The following SNX29 variants were observed in gnomAD, a reference collection of about 807,000 sequenced individuals.
SNX29 encodes the protein sorting nexin 29.
In SNX29, 78 loss-of-function variants were observed where a neutral mutation model predicts 102.1. That is an observed-to-expected ratio of 0.76 (90% CI 0.64 to 0.92). SNX29 has a LOEUF of 0.92. Ranked by LOEUF, SNX29 falls within the 40% of genes least tolerant of loss-of-function variation. The pLI, the probability that SNX29 is intolerant of heterozygous loss-of-function variation, is 0.00. For synonymous variants in SNX29, 580 were observed against 414.5 expected, an observed-to-expected ratio of 1.40 and a Z score of -4.85; for missense variants, 1,280 against 1,061.7, an observed-to-expected ratio of 1.21 and a Z score of -2.86.
intron 14 of SNX29, among the ~76,000 whole-genome samples, chr16:12,210,997 C>T (rs927666395): frequency 6.6e-6 from 1 of 152,136 alleles, no homozygotes; most frequent in Non-Finnish European, 1.5e-5. Context: ...ATGTAAAGTT[C>T]CCAGCACAGC....
intron 11 of SNX29, among the ~76,000 whole-genome samples, chr16:12,102,162 A>G (rs919572034): frequency 1.3e-5 from 2 of 152,148 alleles, no homozygotes; most frequent in Non-Finnish European, 2.9e-5. Flanking sequence ...TATCCAGTCT[A>G]TCATTGATGG....
intron 13 of SNX29, among the ~76,000 whole-genome samples, chr16:12,167,757 G>A (rs192682805): frequency 6.6e-6 from 1 of 152,174 alleles, no homozygotes; most frequent in Non-Finnish European, 1.5e-5. Flanking sequence ...GAGTGAATGA[G>A]CCAGGATCCA....
At chr16:12,473,308 A>G (rs996333707) in intron 18 of SNX29, among the ~76,000 whole-genome samples, 38 of 152,214 alleles carry the variant, frequency 2.5e-4, no homozygotes, top group African/African-American at 8.9e-4. Context: ...AGTAATTTTA[A>G]TGGCATTAGA....
chr16:12,269,857 AT>A (rs1292807744), intron 14 of SNX29, among the ~76,000 whole-genome samples: 2 of 115,832 alleles, frequency 1.7e-5, no homozygotes, highest in African/African-American at 6.6e-5. Context: ...CATCATCATC[AT>A]CATTATTATT....
At chr16:12,076,631 G>A (rs2151329032) in intron 10 of SNX29, among the ~76,000 whole-genome samples, 1 of 152,248 alleles carries the variant, frequency 6.6e-6, no homozygotes, top group Middle Eastern at 3.4e-3. Context: ...TAGCCTGGGT[G>A]ACAAAGCGAG....
At chr16:12,070,961 T>C (rs2051267293) in intron 10 of SNX29, among the ~76,000 whole-genome samples, 2 of 152,174 alleles carry the variant, frequency 1.3e-5, no homozygotes, top group Admixed American at 6.5e-5. Context: ...TTTGGCTGCA[T>C]AAATGTCTTC....
chr16:12,342,196 G>C (rs1028029731), intron 15 of SNX29, among the ~76,000 whole-genome samples: 31 of 152,314 alleles, frequency 2.0e-4, no homozygotes, highest in African/African-American at 6.3e-4. Context: ...ATGGGGATAT[G>C]AGTCACCCAG....
chr16:11,999,211 A>G, intron 1 of SNX29, 86 bp from the exon 2 acceptor site: 1 of 1,223,180 alleles, frequency 8.2e-7, no homozygotes, highest in Non-Finnish European at 1.2e-6. Flanking sequence ...TGATTTTGTT[A>G]AAGATCAGTA....
intron 15 of SNX29, among the ~76,000 whole-genome samples, chr16:12,292,517 C>A (rs887046747): frequency 6.6e-6 from 1 of 152,192 alleles, no homozygotes; most frequent in Non-Finnish European, 1.5e-5. Flanking sequence ...TCATTTCAGA[C>A]CCATTGAGGA....
chr16:12,551,443 A>T (rs1274292568), intron 20 of SNX29, among the ~76,000 whole-genome samples: 2 of 152,214 alleles, frequency 1.3e-5, no homozygotes, highest in Admixed American at 6.5e-5. Context: ...ATCACCCAGC[A>T]TGCTTTTAAA....
intron 14 of SNX29, among the ~76,000 whole-genome samples, chr16:12,250,062 G>A (rs1299594407): frequency 6.6e-6 from 1 of 152,180 alleles, no homozygotes; most frequent in East Asian, 1.9e-4. Context: ...CAGAGCAGGA[G>A]CCCATCACCA....
At chr16:12,018,959 C>A (rs2056933476) in intron 3 of SNX29, among the ~76,000 whole-genome samples, 1 of 150,960 alleles carries the variant, frequency 6.6e-6, no homozygotes. Context: ...TTTTGTAGAT[C>A]TGTTTTTTTT....
chr16:12,398,609 A>G (rs865969763), intron 17 of SNX29, 108 bp downstream of exon 17: 20 of 1,279,668 alleles, frequency 1.6e-5, no homozygotes, highest in Middle Eastern at 2.2e-4. Flanking sequence ...GTTGAGACCC[A>G]CACAAGGTTG....
rs78710073 is a variant in SNX29, at chr16:12,451,902, G to A, written c.2038-25817G>A. On this transcript the variant is annotated intron_variant, in intron 18 of 20. Transcript: ENST00000566228. ...AAACAGATGGTTTCTAACCAAACTG[G>A]CCTTACCGGATACCTCCAGTTCTCT... is the stretch of plus-strand genomic sequence containing the variant. Among the ~76,000 whole-genome samples, 1,442 of 152,230 alleles carry A rather than the reference G, an allele frequency of 9.5e-3. 83 individuals carry two copies. Among genetic ancestry groups the A allele is most frequent in the Admixed American group, 0.081 (1,243 of 15,296 alleles).
At chr16:12,553,029 G>C (rs1477223621) in intron 20 of SNX29, among the ~76,000 whole-genome samples, 1 of 152,244 alleles carries the variant, frequency 6.6e-6, no homozygotes, top group Non-Finnish European at 1.5e-5. Context: ...TCAGCTTTAA[G>C]AGGCTGGGGA....
intron 14 of SNX29, among the ~76,000 whole-genome samples, chr16:12,223,861 G>A (rs1267935891): frequency 6.6e-6 from 1 of 152,236 alleles, no homozygotes; most frequent in Non-Finnish European, 1.5e-5. Context: ...TTCATGGCCA[G>A]TGGCTCGTGG....
At position 12,171,241 on chromosome 16, in the gene SNX29, C is replaced by T. The variant is rs144580002; in HGVS notation, c.1596-28360C>T. On this transcript the variant is annotated intron_variant, in intron 13 of 20. Transcript: ENST00000566228. Reference sequence around the variant, plus strand: ...TAGAAAGCTGCCCACACTATCTTCACGTGATGACTAAGAGCGCCAAATGGA... The same window carrying T: ...TAGAAAGCTGCCCACACTATCTTCATGTGATGACTAAGAGCGCCAAATGGA... 9.2e-5 allele frequency among the ~76,000 whole-genome samples: 14 copies of T among 152,206 alleles called. No homozygotes were observed. The East Asian group carries it at 1.9e-3, about 21-fold the overall frequency.
At chr16:12,234,001 GTTAGTCGATGGACATTTGGGTT>G (rs1444793357) in intron 14 of SNX29, among the ~76,000 whole-genome samples, 2 of 152,078 alleles carry the variant, frequency 1.3e-5, no homozygotes, top group South Asian at 4.1e-4. Context: ...TTACCCTTTC[GTTAGTCGATGGACATTTGGGTT>G]TCACTTTTTG....
At chr16:12,353,738 A>G (rs2082056682) in intron 15 of SNX29, among the ~76,000 whole-genome samples, 2 of 152,204 alleles carry the variant, frequency 1.3e-5, no homozygotes, top group Non-Finnish European at 2.9e-5. Context: ...TGAGTGAGTT[A>G]GTGAGACCCC....
Sources: gnomAD v4.1 joint callset for allele counts (sites outside exome capture counted in the v4.1 genomes callset) on GRCh38, gnomAD v4.1.1 for gene constraint, MANE v1.5 for transcripts, NCBI Gene and HGNC (gene_info 2026-07-23, HGNC 2026-07-21) for gene names.